NDUFAB1: variants seen among roughly 807,000 people sequenced by gnomAD.
NDUFAB1 encodes NADH:ubiquinone oxidoreductase subunit AB1, also known as acyl carrier protein, mitochondrial.
In NDUFAB1, 5 loss-of-function variants were observed where a neutral mutation model predicts 16.1. The ratio of observed to expected loss-of-function variants is 0.31; its 90% CI spans 0.16 to 0.65. NDUFAB1 has a LOEUF of 0.65. Ranked by LOEUF, NDUFAB1 falls within the 30% of genes least tolerant of loss-of-function variation. NDUFAB1 has a pLI of 0.77. For synonymous variants in NDUFAB1, 85 were observed against 78.4 expected, an observed-to-expected ratio of 1.08 and a Z score of -0.44; for missense variants, 187 against 205.3, an observed-to-expected ratio of 0.91 and a Z score of 0.54.
At chr16:23,589,442 A>T (rs1028330431) in intron 1 of NDUFAB1, among the ~76,000 whole-genome samples, 3 of 152,168 alleles carry the variant, frequency 2.0e-5, no homozygotes, top group African/African-American at 7.2e-5. Context: ...CTCCTTTCGT[A>T]TTATACATGG....
At chr16:23,595,990 G>T in intron 1 of NDUFAB1, 133 bp downstream of exon 1, 3 of 1,102,190 alleles carry the variant, frequency 2.7e-6, no homozygotes, top group Non-Finnish European at 3.8e-6. Context: ...TAGGCAGCGG[G>T]GCTGCGGAGC....
intron 1 of NDUFAB1, among the ~76,000 whole-genome samples, chr16:23,594,724 G>C (rs1037282336): frequency 3.3e-5 from 5 of 151,228 alleles, no homozygotes; most frequent in Non-Finnish European, 4.4e-5. Context: ...CTGGGCTCAA[G>C]CGATTCGCCC....
rs1966210272 is a variant in NDUFAB1, at chr16:23,584,176, A to ACCT, written c.379+1157_379+1159dup. Among the ~76,000 whole-genome samples the ACCT allele has an allele frequency of 2.8e-5, 4 of 144,024 alleles. No homozygotes were observed. In the South Asian group the frequency reaches 9.1e-4, roughly 33 times the overall value. 94.5% of individuals were successfully genotyped at this position (144,024 alleles called of 152,430 possible). On this transcript the variant is annotated intron_variant, in intron 3 of 4. Coordinates refer to ENST00000007516, the MANE Select transcript of NDUFAB1 (RefSeq NM_005003.3). ...ACCAGAGACCTTTGTTCACTTGTTT[A>ACCT]CCTGCTGACCTTCCCTCCACTATTG...
At chr16:23,589,252 T>C (rs432477) in intron 1 of NDUFAB1, among the ~76,000 whole-genome samples, 41,407 of 150,176 alleles carry the variant, frequency 0.28, 6,464 homozygotes, top group African/African-American at 0.43. Context: ...GCCAAGATCA[T>C]GCCATTTACA....
At chr16:23,587,133 A>G in intron 2 of NDUFAB1, 64 bp downstream of exon 2, 2 of 1,508,760 alleles carry the variant, frequency 1.3e-6, no homozygotes, top group South Asian at 2.4e-5. Context: ...TTCCCTTTGC[A>G]TTTTCTAGCA....
At chr16:23,594,952 T>C (rs380618) in intron 1 of NDUFAB1, among the ~76,000 whole-genome samples, 16,225 of 151,048 alleles carry the variant, frequency 0.11, 1,047 homozygotes, top group African/African-American at 0.18. Flanking sequence ...CTGGAGAACT[T>C]AGAAAACAAC....
chr16:23,595,308 C>T (rs1966314852), intron 1 of NDUFAB1: 1 of 291,838 alleles, frequency 3.4e-6, no homozygotes, highest in Non-Finnish European at 6.8e-6. Context: ...TGCCTCCCGG[C>T]GTTTCAGCCT....
chr16:23,594,491 T>C (rs1966306187), intron 1 of NDUFAB1, among the ~76,000 whole-genome samples: 1 of 151,918 alleles, frequency 6.6e-6, no homozygotes, highest in Admixed American at 6.6e-5. Flanking sequence ...TAGCTGGGAC[T>C]ACAGGCGCGT....
Position 23,587,215 on chromosome 16 carries a change from G to A in NDUFAB1, c.273C>T (p.Asp91=), listed in dbSNP as rs987963738. 11 of 1,613,680 alleles carry A rather than the reference G, an allele frequency of 6.8e-6. No homozygotes were observed. In the South Asian group the frequency reaches 8.8e-5, roughly 13 times the overall value. ...CAGTTACCTTCTCTGGGTCAATCTT[G>A]TCATAGAGTTTCAATACGTAAAGAA... is the stretch of plus-strand genomic sequence containing the variant. ...DRVLYVLKLY[D]KIDPEKLSVN... is the part of the protein sequence containing the mutation. Residue 91 remains aspartate (D), a synonymous_variant, in exon 2 of 5, where the codon GAC becomes GAT. Coordinates refer to ENST00000007516, the MANE Select transcript of NDUFAB1 (RefSeq NM_005003.3).
At chr16:23,586,906 C>T (rs1966238206) in intron 2 of NDUFAB1, among the ~76,000 whole-genome samples, 1 of 152,202 alleles carries the variant, frequency 6.6e-6, no homozygotes. Flanking sequence ...CCTCGGCCTC[C>T]CAAAGTGCTG....
At chr16:23,591,789 C>G (rs1297196657) in intron 1 of NDUFAB1, among the ~76,000 whole-genome samples, 2 of 152,168 alleles carry the variant, frequency 1.3e-5, no homozygotes, top group Admixed American at 6.5e-5. Context: ...CCTTCAAGAT[C>G]ACGTTCACTG....
intron 4 of NDUFAB1, among the ~76,000 whole-genome samples, chr16:23,581,546 T>TAA (rs60306232): frequency 1.7e-4 from 21 of 123,008 alleles, no homozygotes; most frequent in East Asian, 4.5e-4. Flanking sequence ...GTTCCATCTT[T>TAA]AAAAAAAAAA....
At chr16:23,588,885 T>G (rs1036086865) in intron 1 of NDUFAB1, among the ~76,000 whole-genome samples, 1 of 150,406 alleles carries the variant, frequency 6.6e-6, no homozygotes, top group African/African-American at 2.4e-5. Context: ...AGCTGAGGCA[T>G]GAGAATTGCT....
rs1966211670 is a variant in NDUFAB1, at chr16:23,584,250, TCAATTAA to T, written c.379+1079_379+1085del. ...CTCTGCGAGAAACACCCAAGAATGA[TCAATTAA>T]AAAAAAAAAAAAAAAAAGAAACCCA... On this transcript the variant is annotated intron_variant, in intron 3 of 4. Transcript: ENST00000007516. Among the ~76,000 whole-genome samples, 20 of 6,474 alleles carry T rather than the reference TCAATTAA, an allele frequency of 3.1e-3. 1 individual carries two copies. Among genetic ancestry groups the T allele is most frequent in the African/African-American group, 9.1e-3 (15 of 1,648 alleles). The allele number at this position is 6,474 out of a possible 152,430, so 4.2% of individuals were successfully genotyped here.
At position 23,596,240 on chromosome 16, in the gene NDUFAB1, A is replaced by G. The variant is rs549252492; in HGVS notation, c.51T>C (p.Phe17=). The change falls in exon 1 of 5, where the codon TTT becomes TTC. Residue 17 remains phenylalanine, a synonymous_variant. Coordinates refer to ENST00000007516, the MANE Select transcript of NDUFAB1 (RefSeq NM_005003.3). The part of the protein sequence containing the change: ...SAYVSRLPAA[F]APLPRVRMLA... ...GCATCCGGACCCGGGGCAGCGGCGC[A>G]AAGGCCGCGGGCAGGCGGCTGACAT... 22 of 1,604,918 alleles carry G rather than the reference A, an allele frequency of 1.4e-5. No homozygotes were observed. The African/African-American group carries it at 2.8e-4, about 21-fold the overall frequency.
intron 1 of NDUFAB1, 25 bp downstream of exon 1, chr16:23,596,098 C>A (rs760638536): frequency 5.0e-6 from 8 of 1,598,858 alleles, no homozygotes; most frequent in South Asian, 1.1e-5. Context: ...CCTTGCCAAG[C>A]GGCAGCAAAG....
Sources: gnomAD v4.1 joint callset for allele counts (sites outside exome capture counted in the v4.1 genomes callset) on GRCh38, gnomAD v4.1.1 for gene constraint, MANE v1.5 for transcripts, NCBI Gene and HGNC (gene_info 2026-07-23, HGNC 2026-07-21) for gene names.